The following SLCO5A1 variants were observed in gnomAD, a reference collection of about 807,000 sequenced individuals.
The protein encoded by SLCO5A1 is organic anion transporter polypeptide-related protein 4.
In SLCO5A1, 39 loss-of-function variants were observed where a neutral mutation model predicts 65.1. That is an observed-to-expected ratio of 0.60 (90% CI 0.46 to 0.78). The LOEUF is 0.78. SLCO5A1 is among the 30% of genes least tolerant of loss of function. SLCO5A1 has a pLI of 0.00. For missense variants in SLCO5A1, 1,029 were observed against 1,069.4 expected (o/e 0.96, Z 0.53); for synonymous variants, 438 against 415.7 (o/e 1.05, Z -0.65).
chr8:69,768,585 C>T (rs915346962), intron 2 of SLCO5A1, among the ~76,000 whole-genome samples: 3 of 152,278 alleles, frequency 2.0e-5, no homozygotes, highest in African/African-American at 7.2e-5. Flanking sequence ...GAGGAGGCCT[C>T]TCTTCCTGTC....
intron 5 of SLCO5A1, among the ~76,000 whole-genome samples, chr8:69,712,103 A>C (rs563974748): frequency 6.6e-6 from 1 of 152,224 alleles, no homozygotes; most frequent in Non-Finnish European, 1.5e-5. Flanking sequence ...ATTTAGCAGC[A>C]TGTCTTTTAT....
chr8:69,700,175 G>A (rs1219473481), intron 6 of SLCO5A1: 3 of 152,220 alleles, frequency 2.0e-5, no homozygotes, highest in African/African-American at 7.2e-5. Context: ...TTTTTTAAAA[G>A]TAGAACAGAA....
chr8:69,778,129 AG>A (rs1818638292), intron 2 of SLCO5A1, among the ~76,000 whole-genome samples: 1 of 152,260 alleles, frequency 6.6e-6, no homozygotes, highest in East Asian at 1.9e-4. Flanking sequence ...CAGTATATAT[AG>A]GGTTCAGTTC....
intron 2 of SLCO5A1, among the ~76,000 whole-genome samples, chr8:69,777,893 ATTCATCTCCC>A (rs1186232964): frequency 6.6e-6 from 1 of 152,178 alleles, no homozygotes; most frequent in African/African-American, 2.4e-5. Flanking sequence ...TGCCTACGTC[ATTCATCTCCC>A]TTCATCTCAT....
rs760061124 is a variant in SLCO5A1, at chr8:69,832,094, G to A, written c.580C>T (p.Arg194Trp). 3.7e-6 allele frequency: 6 copies of A among 1,613,830 alleles called. No homozygotes were observed. Among genetic ancestry groups the A allele is most frequent in the African/African-American group, 2.7e-5 (2 of 75,040 alleles). ...FVSYFGGRGR[R>W]PLWLAVGGLL... is the part of the protein sequence containing the mutation. Reference sequence around the variant, plus strand: ...CCACCCACGGCCAGCCACAGGGGCCGCCGACCCCGGCCGCCGAAGTAGCTG... The same window carrying A: ...CCACCCACGGCCAGCCACAGGGGCCACCGACCCCGGCCGCCGAAGTAGCTG... Residue 194 changes from arginine (R) to tryptophan (W), a missense_variant, in exon 2 of 10, where the codon CGG (arginine) becomes TGG (tryptophan). By Grantham distance (101) the Arg-to-Trp change is moderately radical. Transcript: ENST00000260126. The surrounding 1 kb of genome is among the most constrained non-coding windows in gnomAD (Gnocchi z 4.5).
chr8:69,748,931 T>C (rs1256632303), intron 4 of SLCO5A1, among the ~76,000 whole-genome samples: 1 of 152,118 alleles, frequency 6.6e-6, no homozygotes, highest in Non-Finnish European at 1.5e-5. Flanking sequence ...GAAAGGGGTT[T>C]TATATAAAGG....
Position 69,743,862 on chromosome 8 carries a change from C to T in SLCO5A1, c.1259-5658G>A, listed in dbSNP as rs370746103. 6.6e-5 allele frequency among the ~76,000 whole-genome samples: 10 copies of T among 152,124 alleles called. 1 individual carries two copies. The highest frequency in any genetic ancestry group is 2.4e-4 in the African/African-American group (10 of 41,434). ...GGCCAAAAACCCCTTGGCTTTGTTT[C>T]CCTTGGAGTGTTTGCATTGGAGACT... is the stretch of plus-strand genomic sequence containing the variant. On this transcript the variant is annotated intron_variant, in intron 4 of 9. Coordinates refer to ENST00000260126, the MANE Select transcript of SLCO5A1 (RefSeq NM_030958.3).
At chr8:69,790,988 A>G (rs962971075) in intron 2 of SLCO5A1, among the ~76,000 whole-genome samples, 3 of 152,208 alleles carry the variant, frequency 2.0e-5, no homozygotes, top group Non-Finnish European at 4.4e-5. Flanking sequence ...TACAAACAGC[A>G]TATTCCCTTC....
chr8:69,712,453 A>T (rs111244173), intron 5 of SLCO5A1, among the ~76,000 whole-genome samples: 7,252 of 152,262 alleles, frequency 0.048, 597 homozygotes, highest in African/African-American at 0.16. Context: ...GCCAATTTGT[A>T]TTGTAAATAG....
intron 6 of SLCO5A1, among the ~76,000 whole-genome samples, chr8:69,684,696 C>A (rs942146871): frequency 1.3e-5 from 2 of 152,154 alleles, no homozygotes; most frequent in Admixed American, 6.5e-5. Flanking sequence ...GCCACTCCAC[C>A]TATGCTCTAT....
intron 2 of SLCO5A1, among the ~76,000 whole-genome samples, chr8:69,771,901 A>G (rs1818335354): frequency 1.3e-5 from 2 of 152,216 alleles, no homozygotes. Context: ...AACTGCTGAC[A>G]CTAAGACGAG....
Position 69,670,626 on chromosome 8 carries a change from G to A in SLCO5A1, c.*2243C>T, listed in dbSNP as rs1374076692. On this transcript the variant is annotated 3_prime_UTR_variant, in exon 10 of 10. Coordinates refer to ENST00000260126, the MANE Select transcript of SLCO5A1 (RefSeq NM_030958.3). ...TTATGGAGTGGCAGATGGTAATCAG[G>A]TAATATGACACCTGAAGATACCTGG... The A allele has an allele frequency of 6.6e-6, 1 of 152,164 alleles. No homozygotes were observed. Among genetic ancestry groups the A allele is most frequent in the Non-Finnish European group, 1.5e-5 (1 of 68,042 alleles). 9.4% of individuals were successfully genotyped at this position (152,164 alleles called of 1,614,324 possible).
In SLCO5A1 at chr8:69,832,048, G is replaced by T; in HGVS notation, c.626C>A (p.Ala209Glu). 6.2e-7 allele frequency: 1 copy of T among 1,612,262 alleles called. No homozygotes were observed. Reference sequence around the variant, plus strand: ...GAAGTGAGGTAAGGCGAAGAGGGCTGCCCCGAAGGCGATGAGGAGTCCACC... The same window carrying T: ...GAAGTGAGGTAAGGCGAAGAGGGCTTCCCCGAAGGCGATGAGGAGTCCACC... Reference protein sequence around the residue: ...AVGGLLIAFGAALFALPHFIS... With the variant: ...AVGGLLIAFGEALFALPHFIS... Residue 209 changes from alanine (A) to glutamate (E), a missense_variant, in exon 2 of 10, where the codon GCA becomes GAA. Ala to Glu is a moderately radical substitution (Grantham distance 107). Around this residue, in one of 3 missense-constraint regions of SLCO5A1, gnomAD observed 647 missense variants for 647.5 expected, o/e 1.00. Transcript: ENST00000260126. This position sits in a 1 kb window ranked among gnomAD's most constrained non-coding sequence, Gnocchi z 4.5.
intron 9 of SLCO5A1, among the ~76,000 whole-genome samples, chr8:69,674,870 C>CA (rs11378444): frequency 0.77 from 105,327 of 137,456 alleles, 40,120 homozygotes; most frequent in East Asian, 0.97. Context: ...AAAAAAAAAA[C>CA]AAAAAAAAAA....
At position 69,801,725 on chromosome 8, in the gene SLCO5A1, C is replaced by T. The variant is rs987475797; in HGVS notation, c.907+30042G>A. On this transcript the variant is annotated intron_variant, in intron 2 of 9. Coordinates refer to ENST00000260126, the MANE Select transcript of SLCO5A1 (RefSeq NM_030958.3). ...CTCCCAGTGCTTTCCTTTGGCTTAGCTGACACAAGGCTCCCTGGTCAAAAA... is the reference window on the plus strand; with the variant it reads ...CTCCCAGTGCTTTCCTTTGGCTTAGTTGACACAAGGCTCCCTGGTCAAAAA... Among the ~76,000 whole-genome samples, 16 of 152,278 alleles carry T rather than the reference C, an allele frequency of 1.1e-4. No homozygotes were observed. The East Asian group carries it at 1.3e-3, about 13-fold the overall frequency.
chr8:69,682,412 AT>A, intron 6 of SLCO5A1, 69 bp from the exon 7 acceptor site: 1 of 1,381,362 alleles, frequency 7.2e-7, no homozygotes, highest in African/African-American at 1.5e-5. Context: ...AGGTCTTGAA[AT>A]TAATAATTTG....
intron 6 of SLCO5A1, chr8:69,704,766 T>G: frequency 2.3e-6 from 1 of 426,820 alleles, no homozygotes; most frequent in Non-Finnish European, 4.2e-6. Context: ...TTTTCATTAA[T>G]CCAATAAGCA....
chr8:69,800,332 C>T (rs1201306820), intron 2 of SLCO5A1, among the ~76,000 whole-genome samples: 1 of 145,850 alleles, frequency 6.9e-6, no homozygotes, highest in Non-Finnish European at 1.5e-5. Flanking sequence ...CAAATCACTG[C>T]AGCTTTGACC....
intron 2 of SLCO5A1, among the ~76,000 whole-genome samples, chr8:69,826,608 G>T (rs868178731): frequency 6.7e-6 from 1 of 149,850 alleles, no homozygotes; most frequent in Non-Finnish European, 1.5e-5. Flanking sequence ...TTAGAATGGC[G>T]ATCATTAAAA....
Sources: allele counts gnomAD v4.1 joint callset (sites outside exome capture counted in the v4.1 genomes callset), GRCh38; gene constraint gnomAD v4.1.1; regional missense constraint gnomAD v4.1.1; non-coding constraint Gnocchi (gnomAD v3.1); transcripts MANE v1.5; gene names NCBI Gene and HGNC (gene_info 2026-07-23, HGNC 2026-07-21).